The following SETBP1 variants were observed in gnomAD, a reference collection of about 807,000 sequenced individuals.
SETBP1 encodes the protein SET binding protein 1, also known as SET-binding protein.
A neutral mutation model predicts 101.0 loss-of-function variants in SETBP1; 9 were observed. That is an observed-to-expected ratio of 0.09 (90% confidence interval 0.05 to 0.16). SETBP1 has a LOEUF of 0.16. SETBP1 is among the 10% of genes least tolerant of loss of function. SETBP1 has a pLI of 1.00. For synonymous variants in SETBP1, 818 were observed against 788.5 expected, an observed-to-expected ratio of 1.04 and a Z score of -0.63; for missense variants, 1,858 against 2,033.8, an observed-to-expected ratio of 0.91 and a Z score of 1.66.
chr18:44,929,637 A>C (rs1328605090), intron 3 of SETBP1, among the ~76,000 whole-genome samples: 2 of 152,128 alleles, frequency 1.3e-5, no homozygotes, highest in African/African-American at 4.8e-5. Context: ...GTTCTCCTTG[A>C]AGAGGTCCTT....
chr18:45,045,719 GT>G (rs2073598805), intron 5 of SETBP1, among the ~76,000 whole-genome samples: 1 of 152,116 alleles, frequency 6.6e-6, no homozygotes, highest in African/African-American at 2.4e-5. Context: ...GTTCATGTCT[GT>G]AAAATGGGGA....
intron 2 of SETBP1, among the ~76,000 whole-genome samples, chr18:44,786,556 C>T (rs571846709): frequency 6.6e-6 from 1 of 152,226 alleles, no homozygotes; most frequent in African/African-American, 2.4e-5. Context: ...GATAAATATG[C>T]CTTCTTGGTA....
chr18:44,876,734 T>C, intron 3 of SETBP1: 4 of 1,539,860 alleles, frequency 2.6e-6, no homozygotes, highest in Non-Finnish European at 3.5e-6. Context: ...GAACCTGCAG[T>C]CTGGGCACAA....
chr18:44,888,036 G>T (rs776751084), intron 3 of SETBP1, among the ~76,000 whole-genome samples: 10 of 152,016 alleles, frequency 6.6e-5, no homozygotes, highest in Non-Finnish European at 1.2e-4. Flanking sequence ...ATCAAATAAG[G>T]AACTGAAACA....
chr18:44,823,324 A>G (rs2072159823), intron 2 of SETBP1, among the ~76,000 whole-genome samples: 1 of 152,232 alleles, frequency 6.6e-6, no homozygotes. Flanking sequence ...AGGTGATACT[A>G]GTGAAAAAGA....
intron 3 of SETBP1, among the ~76,000 whole-genome samples, chr18:44,909,241 G>A (rs1327940469): frequency 4.6e-5 from 7 of 152,214 alleles, no homozygotes; most frequent in Non-Finnish European, 1.0e-4. Flanking sequence ...GACTGAAAGT[G>A]GCTTGTCTTC....
chr18:44,751,417 A>G (rs2070377878), intron 2 of SETBP1, among the ~76,000 whole-genome samples: 1 of 152,234 alleles, frequency 6.6e-6, no homozygotes, highest in Non-Finnish European at 1.5e-5. Context: ...AGCAAGGGCA[A>G]GGAGTTCCTA....
chr18:44,731,413 C>T (rs1235944378), intron 2 of SETBP1, among the ~76,000 whole-genome samples: 2 of 152,100 alleles, frequency 1.3e-5, no homozygotes, highest in African/African-American at 2.4e-5. Flanking sequence ...ATGAGACTGT[C>T]AGAATCCATG....
intron 2 of SETBP1, among the ~76,000 whole-genome samples, chr18:44,728,669 A>C (rs1345868246): frequency 6.6e-6 from 1 of 152,236 alleles, no homozygotes; most frequent in Admixed American, 6.5e-5. Context: ...ATAATCCTCC[A>C]AATCCTATTG....
At chr18:44,915,757 C>T (rs912646854) in intron 3 of SETBP1, among the ~76,000 whole-genome samples, 1 of 152,256 alleles carries the variant, frequency 6.6e-6, no homozygotes, top group South Asian at 2.1e-4. Context: ...TACTGTGTGC[C>T]CTAGGCAAAG....
At position 44,950,756 on chromosome 18, in the gene SETBP1, G is replaced by A. The variant is rs1267905919; in HGVS notation, c.1416G>A (p.Glu472=). The change falls in exon 4 of 6, where the codon GAG becomes GAA. Residue 472 remains glutamate (E), a synonymous_variant. Coordinates refer to ENST00000649279, the MANE Select transcript of SETBP1 (RefSeq NM_015559.3). The part of the protein sequence containing the change: ...PRVPKLSKMI[E]NESPSVGLET... ...TCCCTAAGTTGAGTAAAATGATAGAGAATGAGTCCCCCTCAGTTGGCCTTG... is the reference window on the plus strand; with the variant it reads ...TCCCTAAGTTGAGTAAAATGATAGAAAATGAGTCCCCCTCAGTTGGCCTTG... 7.4e-6 allele frequency: 12 copies of A among 1,614,006 alleles called. No homozygotes were observed. The highest frequency in any genetic ancestry group is 5.3e-5 in the African/African-American group (4 of 74,884).
At chr18:44,735,506 A>T (rs2069945040) in intron 2 of SETBP1, among the ~76,000 whole-genome samples, 1 of 152,226 alleles carries the variant, frequency 6.6e-6, no homozygotes, top group South Asian at 2.1e-4. Flanking sequence ...AGCAAATAAA[A>T]GTTCAACTGA....
intron 3 of SETBP1, among the ~76,000 whole-genome samples, chr18:44,941,036 C>T (rs1024264699): frequency 6.9e-6 from 1 of 145,556 alleles, no homozygotes; most frequent in South Asian, 2.2e-4. Flanking sequence ...GATGTTGGCT[C>T]ATTGTCTTCT....
intron 5 of SETBP1, among the ~76,000 whole-genome samples, chr18:45,046,426 C>T (rs1352277259): frequency 6.6e-6 from 1 of 152,212 alleles, no homozygotes; most frequent in African/African-American, 2.4e-5. Context: ...AGCCCTCCAG[C>T]CTCCTTTGTT....
At chr18:44,751,771 A>G (rs2070384697) in intron 2 of SETBP1, among the ~76,000 whole-genome samples, 1 of 152,228 alleles carries the variant, frequency 6.6e-6, no homozygotes, top group Non-Finnish European at 1.5e-5. Flanking sequence ...TCAGGCTGCT[A>G]TAACAATATA....
At chr18:44,883,034 C>G (rs928866413) in intron 3 of SETBP1, among the ~76,000 whole-genome samples, 2 of 152,136 alleles carry the variant, frequency 1.3e-5, no homozygotes, top group Non-Finnish European at 2.9e-5. Context: ...GAGGGGAGGG[C>G]ACCAAATCTT....
chr18:44,772,880 T>C (rs1419189346), intron 2 of SETBP1, among the ~76,000 whole-genome samples: 1 of 152,252 alleles, frequency 6.6e-6, no homozygotes, highest in African/African-American at 2.4e-5. Context: ...TGATTCCTCC[T>C]TAAGCGTCTT....
At chr18:44,948,329 C>CT (rs1287141177) in intron 3 of SETBP1, among the ~76,000 whole-genome samples, 2 of 152,140 alleles carry the variant, frequency 1.3e-5, no homozygotes, top group Non-Finnish European at 2.9e-5. Context: ...ATTCCAGAAA[C>CT]TAGTGTGAAG....
chr18:44,918,685 A>G (rs1215131676), intron 3 of SETBP1, among the ~76,000 whole-genome samples: 2 of 152,264 alleles, frequency 1.3e-5, no homozygotes, highest in African/African-American at 4.8e-5. Context: ...CTTCTCGTGC[A>G]GTTCTACCTA....
Sources: gnomAD v4.1 joint callset for allele counts (sites outside exome capture counted in the v4.1 genomes callset) on GRCh38, gnomAD v4.1.1 for gene constraint, MANE v1.5 for transcripts, NCBI Gene and HGNC (gene_info 2026-07-23, HGNC 2026-07-21) for gene names.